WASHC2A: variants seen among roughly 807,000 people sequenced by gnomAD.
WASHC2A encodes WASH complex subunit 2A, also known as WASH complex subunit FAM21A.
A neutral mutation model predicts 140.3 loss-of-function variants in WASHC2A; 82 were observed. The observed-to-expected ratio is 0.58, with a 90% CI of 0.49 to 0.70. The LOEUF (loss-of-function observed/expected upper bound fraction) is 0.70. Among genes scored for constraint, WASHC2A ranks in the 30% least tolerant of loss-of-function variants. The probability of loss-of-function intolerance (pLI) is 0.00; values close to 1 mark genes in which losing one functional copy is unlikely to be tolerated. For missense variants in WASHC2A, 985 were observed against 1,521.8 expected, an observed-to-expected ratio of 0.65 and a Z score of 5.87; for synonymous variants, 340 against 560.8, an observed-to-expected ratio of 0.61 and a Z score of 5.56.
intron 18 of WASHC2A, among the ~76,000 whole-genome samples, chr10:50,104,672 T>G (rs1841573959): frequency 6.6e-6 from 1 of 152,040 alleles, no homozygotes; most frequent in South Asian, 2.1e-4. Flanking sequence ...ACACAGTTCT[T>G]ATGGAGTGAA....
At chr10:50,105,285 G>C (rs75186481) in intron 18 of WASHC2A, among the ~76,000 whole-genome samples, 5,368 of 151,054 alleles carry the variant, frequency 0.036, 95 homozygotes, top group African/African-American at 0.061. Flanking sequence ...GTACTGGGCG[G>C]TGGTGAGCTC....
At chr10:50,084,620 G>T (rs1839224781) in intron 6 of WASHC2A, among the ~76,000 whole-genome samples, 2 of 151,644 alleles carry the variant, frequency 1.3e-5, no homozygotes, top group African/African-American at 4.9e-5. Flanking sequence ...TAGTAGAGAC[G>T]GGGTTTCACC....
intron 17 of WASHC2A, among the ~76,000 whole-genome samples, chr10:50,101,745 C>G (rs1461953995): frequency 1.3e-5 from 2 of 151,796 alleles, no homozygotes; most frequent in Non-Finnish European, 2.9e-5. Context: ...TCTCACAGTT[C>G]GAGAGGTTGA....
intron 3 of WASHC2A, among the ~76,000 whole-genome samples, chr10:50,076,296 CA>C (rs1460377193): frequency 6.6e-5 from 10 of 152,158 alleles, no homozygotes; most frequent in Non-Finnish European, 1.5e-4. Context: ...TATTGTGCCA[CA>C]GAATATTTTA....
In WASHC2A at chr10:50,133,334, G is replaced by A. The variant is rs1274256815; in HGVS notation, c.*389G>A. ...ATGGGAACCCTAACTTAGGGCCTGG[G>A]CAGGGGAAAGAGAAAGAAGGTGAGA... On this transcript the variant is annotated 3_prime_UTR_variant, in exon 31 of 31. Transcript: ENST00000282633. 4.0e-6 allele frequency: 2 copies of A among 497,336 alleles called. No homozygotes were observed. Among genetic ancestry groups the A allele is most frequent in the Non-Finnish European group, 8.1e-6 (2 of 246,550 alleles). The allele number at this position is 497,336 out of a possible 1,614,324, so 30.8% of individuals were successfully genotyped here.
chr10:50,103,871 A>AC (rs1841490056), intron 17 of WASHC2A, among the ~76,000 whole-genome samples, 171 bp from the exon 18 acceptor site: 1 of 152,082 alleles, frequency 6.6e-6, no homozygotes, highest in Non-Finnish European at 1.5e-5. Context: ...CACCCTGCAC[A>AC]GACCCTGAGG....
intron 21 of WASHC2A, among the ~76,000 whole-genome samples, chr10:50,116,564 T>C (rs1842698704): frequency 6.7e-6 from 1 of 149,424 alleles, no homozygotes; most frequent in African/African-American, 2.5e-5. Flanking sequence ...CCGCCCACCT[T>C]GGCCTCCCAA....
intron 8 of WASHC2A, among the ~76,000 whole-genome samples, chr10:50,088,502 C>T (rs1355237669): frequency 3.3e-5 from 5 of 152,170 alleles, no homozygotes; most frequent in South Asian, 2.1e-4. Flanking sequence ...TCAGGCAAAC[C>T]GCCCACTTCG....
intron 11 of WASHC2A, among the ~76,000 whole-genome samples, chr10:50,092,456 G>T (rs1334924966): frequency 6.6e-6 from 1 of 152,102 alleles, no homozygotes; most frequent in African/African-American, 2.4e-5. Context: ...AGGAGTTTAA[G>T]ACCAGCCTGG....
chr10:50,097,713 G>A lies in WASHC2A; in HGVS notation c.1459G>A (p.Glu487Lys), dbSNP rs1386503644. Residue 487 changes from glutamate to lysine, a missense_variant, in exon 16 of 31, where the codon GAA (glutamate) becomes AAA (lysine). Glu to Lys is a moderately conservative substitution (Grantham distance 56). Transcript: ENST00000282633. ...CACTGCCGATATCTTTGGTGACGAA[G>A]AAGGAGATCTGTTCAAAGAAAAAGC... ...QSTADIFGDE[E>K]GDLFKEKAVA... The A allele has an allele frequency of 2.6e-5, 42 of 1,602,004 alleles. No individual in the cohort carries two copies. The highest frequency in any genetic ancestry group is 6.8e-5 in the African/African-American group (5 of 73,110).
intron 2 of WASHC2A, among the ~76,000 whole-genome samples, chr10:50,069,149 G>A (rs1166344004): frequency 2.0e-5 from 3 of 151,958 alleles, no homozygotes; most frequent in Non-Finnish European, 4.4e-5. Context: ...CATTCCAGCC[G>A]GGCACAGTGG....
intron 25 of WASHC2A, among the ~76,000 whole-genome samples, 188 bp downstream of exon 25, chr10:50,125,637 T>C (rs2805233): frequency 1.3e-5 from 2 of 152,186 alleles, no homozygotes; most frequent in African/African-American, 4.8e-5. Context: ...TGTTCCTCAT[T>C]TTATGTTCCC....
At chr10:50,107,551 A>G (rs530546818) in intron 19 of WASHC2A, among the ~76,000 whole-genome samples, 61 of 152,222 alleles carry the variant, frequency 4.0e-4, no homozygotes, top group African/African-American at 1.4e-3. Context: ...AAGTGGATAT[A>G]TAAGTCATAG....
intron 20 of WASHC2A, among the ~76,000 whole-genome samples, chr10:50,111,808 T>G (rs1430721311): frequency 3.3e-5 from 5 of 152,302 alleles, no homozygotes; most frequent in Admixed American, 3.3e-4. Flanking sequence ...GGCAGGCAGA[T>G]CACGAGGTCA....
chr10:50,103,384 C>T (rs1841418668), intron 17 of WASHC2A, among the ~76,000 whole-genome samples: 2 of 151,764 alleles, frequency 1.3e-5, no homozygotes, highest in Admixed American at 6.6e-5. Flanking sequence ...ATGGTGAAAC[C>T]CCGTCTCTAC....
intron 29 of WASHC2A, 38 bp downstream of exon 29, chr10:50,130,077 T>C: frequency 6.2e-7 from 1 of 1,611,146 alleles, no homozygotes; most frequent in Non-Finnish European, 8.5e-7. Context: ...CTGTTCTAAG[T>C]TAAGGAAGGT....
At chr10:50,070,490 T>C (rs1243226613) in intron 3 of WASHC2A, among the ~76,000 whole-genome samples, 2 of 152,208 alleles carry the variant, frequency 1.3e-5, no homozygotes, top group Non-Finnish European at 2.9e-5. Context: ...TTGTTAGATA[T>C]AAAGTAATAA....
At chr10:50,107,731 A>T (rs1841928940) in intron 19 of WASHC2A, among the ~76,000 whole-genome samples, 1 of 150,454 alleles carries the variant, frequency 6.6e-6, no homozygotes, top group Non-Finnish European at 1.5e-5. Flanking sequence ...AGACCAGCCT[A>T]ACCAACATGG....
At chr10:50,094,041 T>C in intron 13 of WASHC2A, 124 bp downstream of exon 13, 8 of 1,486,872 alleles carry the variant, frequency 5.4e-6, no homozygotes, top group Non-Finnish European at 7.4e-6. Flanking sequence ...CTGTTGTTTT[T>C]ACTGTGGTCC....
Sources: allele counts gnomAD v4.1 joint callset (sites outside exome capture counted in the v4.1 genomes callset), GRCh38; gene constraint gnomAD v4.1.1; transcripts MANE v1.5; gene names NCBI Gene and HGNC (gene_info 2026-07-23, HGNC 2026-07-21).